TRPC4AP: variants seen among roughly 807,000 people sequenced by gnomAD.
TRPC4AP encodes the protein transient receptor potential cation channel subfamily C member 4 associated protein, also known as short transient receptor potential channel 4-associated protein.
TRPC4AP carries 45 observed loss-of-function variants against 99.0 expected under a neutral mutation model. That is an observed-to-expected ratio of 0.45 (90% CI 0.36 to 0.58). The LOEUF (loss-of-function observed/expected upper bound fraction) is 0.58. Among genes scored for constraint, TRPC4AP ranks in the 20% least tolerant of loss-of-function variants. The probability of loss-of-function intolerance (pLI) is 0.00; values close to 1 mark genes in which losing one functional copy is unlikely to be tolerated. For synonymous variants in TRPC4AP, 408 were observed against 385.8 expected, an observed-to-expected ratio of 1.06 and a Z score of -0.67; for missense variants, 879 against 985.3, an observed-to-expected ratio of 0.89 and a Z score of 1.44.
At chr20:35,071,345 A>G (rs960375262) in intron 2 of TRPC4AP, among the ~76,000 whole-genome samples, 2 of 151,990 alleles carry the variant, frequency 1.3e-5, no homozygotes, top group South Asian at 2.1e-4. Flanking sequence ...GGTTTGTTAC[A>G]TATGTATACA....
intron 15 of TRPC4AP, among the ~76,000 whole-genome samples, chr20:35,006,226 C>T (rs2082512801): frequency 6.6e-6 from 1 of 152,100 alleles, no homozygotes; most frequent in South Asian, 2.1e-4. Flanking sequence ...TCACTCCCTA[C>T]CCACAAGCAG....
chr20:35,037,892 T>C (rs2083358134), intron 7 of TRPC4AP, among the ~76,000 whole-genome samples: 1 of 152,148 alleles, frequency 6.6e-6, no homozygotes, highest in Non-Finnish European at 1.5e-5. Context: ...TCATGGGCTA[T>C]ACCAGCTAGG....
Position 35,044,723 on chromosome 20 carries a change from C to A in TRPC4AP, c.658-11G>T. The stretch of plus-strand genomic sequence containing the variant: ...TAGTCGGATCATTTCCTACAGAAGA[C>A]AAAAATGAAACAATCCCCATGCTCA... On this transcript the variant is annotated splice_polypyrimidine_tract_variant and intron_variant, in intron 6 of 18. Transcript: ENST00000252015. The A allele has an allele frequency of 6.2e-7, 1 of 1,612,782 alleles. No individual in the cohort carries two copies. The highest frequency in any genetic ancestry group is 8.5e-7 in the Non-Finnish European group (1 of 1,179,036).
chr20:35,020,300 T>TA (rs2082855242), intron 9 of TRPC4AP, among the ~76,000 whole-genome samples: 2 of 152,212 alleles, frequency 1.3e-5, no homozygotes, highest in South Asian at 4.1e-4. Context: ...TCACTCAGAG[T>TA]AAAAACCAAA....
intron 1 of TRPC4AP, among the ~76,000 whole-genome samples, chr20:35,086,460 T>C (rs2084855626): frequency 7.0e-6 from 1 of 141,942 alleles, no homozygotes; most frequent in African/African-American, 2.8e-5. Flanking sequence ...TGTGTGTGTG[T>C]GTGTGTGTGT....
Position 35,021,217 on chromosome 20 carries a change from C to T in TRPC4AP, c.1191G>A (p.Val397=). 3 of 1,613,640 alleles carry T rather than the reference C, an allele frequency of 1.9e-6. No homozygotes were observed. Among genetic ancestry groups the T allele is most frequent in the Non-Finnish European group, 2.5e-6 (3 of 1,179,662 alleles). ...YKLEVLYVLC[V]LLMGRQRNQV... The stretch of plus-strand genomic sequence containing the variant: ...GGTTTCGCTGACGCCCCATCAGCAG[C>T]ACGCAGAGGACATAGAGCACTTCCA... Residue 397 remains valine, a synonymous_variant, in exon 9 of 19, where the codon GTG becomes GTA. Transcript: ENST00000252015.
In TRPC4AP at chr20:35,005,820, CTCACAGCAGGCAGT is replaced by C; in HGVS notation, c.1828-31_1828-18del. Reference sequence around the variant, plus strand: ...TACCTGGAACTATACAGAAACCAAGCTCACAGCAGGCAGTGGGCTGCTGGCCAGGTATGGCCATG... The same window carrying C: ...TACCTGGAACTATACAGAAACCAAGCGGGCTGCTGGCCAGGTATGGCCATG... On this transcript the variant is annotated intron_variant, in intron 15 of 18. Transcript: ENST00000252015. The C allele has an allele frequency of 6.2e-7, 1 of 1,612,872 alleles. No individual in the cohort carries two copies. The highest frequency in any genetic ancestry group is 8.5e-7 in the Non-Finnish European group (1 of 1,178,960).
rs1287026647 is a variant in TRPC4AP at position 35,013,077 on chromosome 20, T to A, written c.1351-11A>T. The stretch of plus-strand genomic sequence containing the variant: ...CTTCAAGGTGATGTCCTGAAACACA[T>A]GCACAGCCTCAATGTTAGGACCACA... On this transcript the variant is annotated splice_polypyrimidine_tract_variant and intron_variant, in intron 10 of 18. Transcript: ENST00000252015. 1 of 1,613,918 alleles carries A rather than the reference T, an allele frequency of 6.2e-7. No homozygotes were observed. Among genetic ancestry groups the A allele is most frequent in the East Asian group, 2.2e-5 (1 of 44,876 alleles).
At chr20:35,036,746 A>G (rs2083328337) in intron 7 of TRPC4AP, among the ~76,000 whole-genome samples, 1 of 151,374 alleles carries the variant, frequency 6.6e-6, no homozygotes, top group South Asian at 2.1e-4. Context: ...TAGGAGTTTA[A>G]GACCAGCCTG....
chr20:35,029,050 C>T (rs2083101420), intron 8 of TRPC4AP, among the ~76,000 whole-genome samples: 1 of 152,094 alleles, frequency 6.6e-6, no homozygotes, highest in Non-Finnish European at 1.5e-5. Flanking sequence ...CCATCTGAGA[C>T]CAACCTGGCC....
intron 5 of TRPC4AP, among the ~76,000 whole-genome samples, chr20:35,053,621 CCAAA>C (rs1569125685): frequency 6.6e-6 from 1 of 151,992 alleles, no homozygotes; most frequent in Non-Finnish European, 1.5e-5. Context: ...GGTGGCCAGG[CCAAA>C]CTAAGATGTG....
chr20:35,074,349 T>C, intron 2 of TRPC4AP, among the ~76,000 whole-genome samples: 1 of 152,202 alleles, frequency 6.6e-6, no homozygotes, highest in East Asian at 1.9e-4. Flanking sequence ...CTAGTTCTTT[T>C]AATTGTGATG....
intron 1 of TRPC4AP, among the ~76,000 whole-genome samples, 188 bp downstream of exon 1, chr20:35,092,426 C>T (rs1213565908): frequency 6.6e-6 from 1 of 152,230 alleles, no homozygotes; most frequent in Admixed American, 6.5e-5. Flanking sequence ...TGACAAGGGA[C>T]ATCAAGCCAG....
At chr20:35,032,303 G>C (rs780370547) in intron 8 of TRPC4AP, among the ~76,000 whole-genome samples, 10 of 152,068 alleles carry the variant, frequency 6.6e-5, no homozygotes, top group Non-Finnish European at 1.3e-4. Context: ...GGGATTACAG[G>C]TGTGAGCCAC....
At chr20:35,036,115 G>A (rs1223731780) in intron 7 of TRPC4AP, among the ~76,000 whole-genome samples, 1 of 152,214 alleles carries the variant, frequency 6.6e-6, no homozygotes, top group Non-Finnish European at 1.5e-5. Flanking sequence ...CACAATGAGT[G>A]AGGTGGAAAT....
At chr20:35,060,616 A>G (rs1327409652) in intron 3 of TRPC4AP, among the ~76,000 whole-genome samples, 1 of 151,130 alleles carries the variant, frequency 6.6e-6, no homozygotes, top group Non-Finnish European at 1.5e-5. Context: ...AAAAACAAGA[A>G]AAGGATTATA....
At position 35,092,625 on chromosome 20, in the gene TRPC4AP, G is replaced by A. The variant is rs748973779; in HGVS notation, c.157C>T (p.Arg53Trp). Residue 53 changes from arginine to tryptophan, a missense_variant, in exon 1 of 19, where the codon CGG (arginine) becomes TGG (tryptophan). Coordinates refer to ENST00000252015, the MANE Select transcript of TRPC4AP (RefSeq NM_015638.3). ...GTCCAGCCTCGTACCTGCACCGCCC[G>A]GACCAGGCCCCGGCCGGTCAGCTGG... The part of the protein sequence containing the change: ...QGQLTGRGLV[R>W]AVQFTETFLT... The A allele has an allele frequency of 6.4e-4, 810 of 1,263,072 alleles. 1 individual carries two copies. The highest frequency in any genetic ancestry group is 7.3e-4 in the Non-Finnish European group (714 of 981,502). The allele number at this position is 1,263,072 out of a possible 1,614,324, so 78.2% of individuals were successfully genotyped here. A position where few individuals can be genotyped will look rare whatever the true frequency, so the allele number is the denominator to read the frequency against.
intron 8 of TRPC4AP, chr20:35,030,322 T>C (rs1473809633): frequency 6.7e-6 from 1 of 149,846 alleles, no homozygotes; most frequent in Non-Finnish European, 1.5e-5. Flanking sequence ...TAGAAATAAA[T>C]ATGGAATGCA....
chr20:35,019,958 C>T (rs752578986), intron 9 of TRPC4AP, among the ~76,000 whole-genome samples: 2 of 152,134 alleles, frequency 1.3e-5, no homozygotes, highest in African/African-American at 4.8e-5. Context: ...TCCCCATCTT[C>T]CTCCCTAAGC....
Sources: allele counts gnomAD v4.1 joint callset (sites outside exome capture counted in the v4.1 genomes callset), GRCh38; gene constraint gnomAD v4.1.1; transcripts MANE v1.5; gene names NCBI Gene and HGNC (gene_info 2026-07-23, HGNC 2026-07-21).